Variants in RASGRF2 observed in about 807,000 individuals in gnomAD.
RASGRF2 encodes the protein Ras protein specific guanine nucleotide releasing factor 2.
Under a neutral mutation model 151.0 loss-of-function variants are expected in RASGRF2, and 76 were observed. That is an observed-to-expected ratio of 0.50 (90% confidence interval 0.42 to 0.61). The LOEUF (loss-of-function observed/expected upper bound fraction) is 0.61. Ranked by LOEUF, RASGRF2 falls within the 20% of genes least tolerant of loss-of-function variation. RASGRF2 has a pLI of 0.00. For missense variants in RASGRF2, 1,148 were observed against 1,564.6 expected, an observed-to-expected ratio of 0.73 and a Z score of 4.49; for synonymous variants, 504 against 566.5, an observed-to-expected ratio of 0.89 and a Z score of 1.57.
intron 12 of RASGRF2, among the ~76,000 whole-genome samples, chr5:81,103,977 T>G (rs1024701617): frequency 6.6e-6 from 1 of 151,596 alleles, no homozygotes; most frequent in Admixed American, 6.6e-5. Flanking sequence ...TATAAAAAAT[T>G]TAAATGCAAA....
intron 8 of RASGRF2, 112 bp from the exon 9 acceptor site, chr5:81,086,723 T>G: frequency 1.2e-6 from 1 of 849,436 alleles, no homozygotes; most frequent in Admixed American, 2.3e-5. Flanking sequence ...AAACCCCCGG[T>G]TCAATCGATA....
chr5:81,202,933 A>C (rs1404023054), intron 19 of RASGRF2, among the ~76,000 whole-genome samples: 1 of 152,260 alleles, frequency 6.6e-6, no homozygotes, highest in Admixed American at 6.5e-5. Flanking sequence ...GTTCGATTAC[A>C]GACCTCTGTC....
chr5:81,032,653 A>C (rs1046055513), intron 1 of RASGRF2, among the ~76,000 whole-genome samples: 1 of 152,224 alleles, frequency 6.6e-6, no homozygotes, highest in Non-Finnish European at 1.5e-5. Context: ...ATCTCAAAAT[A>C]ATAAGAGCTA....
intron 1 of RASGRF2, among the ~76,000 whole-genome samples, chr5:81,011,355 G>A (rs1222474309): frequency 1.3e-5 from 2 of 152,048 alleles, no homozygotes; most frequent in Non-Finnish European, 2.9e-5. Context: ...TACACATTTA[G>A]GTTGTTGCTT....
At chr5:81,207,863 C>T (rs1755546095) in intron 21 of RASGRF2, among the ~76,000 whole-genome samples, 1 of 152,198 alleles carries the variant, frequency 6.6e-6, no homozygotes. Flanking sequence ...AAACGCAATC[C>T]CTGCCTTTGA....
rs1348329937 is a variant in RASGRF2, at chr5:81,139,085, A to C, written c.2686+11922A>C. Among the ~76,000 whole-genome samples the C allele has an allele frequency of 4.6e-5, 7 of 152,080 alleles. 1 individual carries two copies. The highest frequency in any genetic ancestry group is 8.8e-5 in the Non-Finnish European group (6 of 68,012). On this transcript the variant is annotated intron_variant, in intron 17 of 26. Coordinates refer to ENST00000265080, the MANE Select transcript of RASGRF2 (RefSeq NM_006909.3). Reference sequence around the variant, plus strand: ...CTCTCACTTCTCTCAGCGATATTTTATATTTTTTAGCATACAAATCTTACA... The same window carrying C: ...CTCTCACTTCTCTCAGCGATATTTTCTATTTTTTAGCATACAAATCTTACA...
intron 4 of RASGRF2, among the ~76,000 whole-genome samples, chr5:81,072,323 T>C (rs2112461192): frequency 6.6e-6 from 1 of 152,344 alleles, no homozygotes; most frequent in African/African-American, 2.4e-5. Flanking sequence ...GTATAAAAAC[T>C]GATAACATGG....
At chr5:81,157,413 G>T (rs769032441) in intron 17 of RASGRF2, among the ~76,000 whole-genome samples, 1 of 150,534 alleles carries the variant, frequency 6.6e-6, no homozygotes, top group Non-Finnish European at 1.5e-5. Context: ...AAAAGCTAAA[G>T]TCCTATAAAG....
intron 17 of RASGRF2, among the ~76,000 whole-genome samples, chr5:81,136,257 C>T (rs1753751255): frequency 6.6e-6 from 1 of 152,154 alleles, no homozygotes; most frequent in Non-Finnish European, 1.5e-5. Flanking sequence ...TTATATAGAT[C>T]CAAGTTTCTG....
At chr5:81,171,938 CTG>C (rs1447393520) in intron 17 of RASGRF2, among the ~76,000 whole-genome samples, 5 of 152,194 alleles carry the variant, frequency 3.3e-5, no homozygotes, top group African/African-American at 1.2e-4. Flanking sequence ...AGCATAAAAG[CTG>C]ATGACAGCAG....
At chr5:81,049,470 C>T (rs756845227) in intron 2 of RASGRF2, among the ~76,000 whole-genome samples, 3 of 152,144 alleles carry the variant, frequency 2.0e-5, no homozygotes, top group African/African-American at 4.8e-5. Context: ...CTTTTGTTTA[C>T]GATGTCTCTC....
At chr5:81,032,299 G>T (rs1323211686) in intron 1 of RASGRF2, among the ~76,000 whole-genome samples, 1 of 152,164 alleles carries the variant, frequency 6.6e-6, no homozygotes, top group Non-Finnish European at 1.5e-5. Context: ...CATTTTATGA[G>T]GCTAGCATCA....
intron 2 of RASGRF2, among the ~76,000 whole-genome samples, chr5:81,061,462 A>G (rs372790192): frequency 7.4e-4 from 113 of 151,846 alleles, no homozygotes; most frequent in African/African-American, 2.6e-3. Context: ...TTTTCTAAAA[A>G]TCTTAACCAG....
intron 1 of RASGRF2, among the ~76,000 whole-genome samples, chr5:80,962,628 AG>A (rs1216330339): frequency 6.7e-6 from 1 of 149,784 alleles, no homozygotes; most frequent in Admixed American, 6.6e-5. Context: ...TTTTTCAGTT[AG>A]GGGTGGGGAG....
At chr5:81,064,384 G>A (rs1248097458) in intron 2 of RASGRF2, among the ~76,000 whole-genome samples, 2 of 152,104 alleles carry the variant, frequency 1.3e-5, no homozygotes, top group African/African-American at 2.4e-5. Flanking sequence ...CTTATAAACC[G>A]ATCATGGAAT....
At chr5:81,200,328 G>C (rs537212860) in intron 18 of RASGRF2, among the ~76,000 whole-genome samples, 1 of 150,820 alleles carries the variant, frequency 6.6e-6, no homozygotes, top group South Asian at 2.1e-4. Context: ...TTTAAAATCT[G>C]TCTGTCTTTG....
intron 1 of RASGRF2, among the ~76,000 whole-genome samples, chr5:80,978,863 C>T (rs2112233997): frequency 6.6e-6 from 1 of 152,250 alleles, no homozygotes; most frequent in African/African-American, 2.4e-5. Context: ...TGATACTTTA[C>T]TGAATATTAC....
intron 1 of RASGRF2, among the ~76,000 whole-genome samples, chr5:81,040,454 T>G (rs2112388760): frequency 6.6e-6 from 1 of 152,372 alleles, no homozygotes; most frequent in African/African-American, 2.4e-5. Context: ...TTGTAATAAT[T>G]ATCAATACAA....
intron 17 of RASGRF2, among the ~76,000 whole-genome samples, chr5:81,160,048 G>A (rs1013584719): frequency 6.6e-6 from 1 of 152,150 alleles, no homozygotes; most frequent in East Asian, 1.9e-4. Flanking sequence ...AGCACTTTGC[G>A]AGGCCAAGGT....
Sources: allele counts gnomAD v4.1 joint callset (sites outside exome capture counted in the v4.1 genomes callset), GRCh38; gene constraint gnomAD v4.1.1; transcripts MANE v1.5; gene names NCBI Gene and HGNC (gene_info 2026-07-23, HGNC 2026-07-21).